Variants in MYOM1 observed in about 807,000 individuals in gnomAD.
The protein encoded by MYOM1 is myomesin 1, also known as myomesin-1.
MYOM1 carries 164 observed loss-of-function variants against 205.3 expected under a neutral mutation model. That is an observed-to-expected ratio of 0.80 (90% CI 0.70 to 0.91). The LOEUF is 0.91. MYOM1 is among the 40% of genes least tolerant of loss of function. The pLI is 0.00. For missense variants in MYOM1, 2,011 were observed against 2,127.3 expected, an observed-to-expected ratio of 0.95 and a Z score of 1.08; for synonymous variants, 772 against 789.4, an observed-to-expected ratio of 0.98 and a Z score of 0.37.
the MYOM1 span, among the ~76,000 whole-genome samples, chr18:3,238,768 T>C: frequency 2.0e-5 from 3 of 152,152 alleles, no homozygotes; most frequent in African/African-American, 7.2e-5. Context: ...CCTGAGGCTC[T>C]AGGGGAGAAT....
chr18:3,206,269 T>C (rs1213323019), intron 2 of MYOM1, among the ~76,000 whole-genome samples: 1 of 152,220 alleles, frequency 6.6e-6, no homozygotes, highest in Non-Finnish European at 1.5e-5. Flanking sequence ...TCTAAAAATG[T>C]TCCTTTAAAA....
chr18:3,204,270 T>C (rs1254200946), intron 2 of MYOM1, among the ~76,000 whole-genome samples: 2 of 151,920 alleles, frequency 1.3e-5, no homozygotes, highest in African/African-American at 2.4e-5. Flanking sequence ...TTTTTAAAAA[T>C]TGAAAAGATG....
the MYOM1 span, chr18:3,236,361 T>C: frequency 6.6e-6 from 1 of 152,252 alleles, no homozygotes; most frequent in Non-Finnish European, 1.5e-5. Flanking sequence ...ATAGTGGCAG[T>C]AGAAGTGGTG....
chr18:3,084,090 C>T, intron 31 of MYOM1, 63 bp from the exon 32 acceptor site: 1 of 1,520,734 alleles, frequency 6.6e-7, no homozygotes, highest in Non-Finnish European at 8.9e-7. Flanking sequence ...GGTTAAATCT[C>T]AAATTCTTAG....
chr18:3,216,495 C>G lies in MYOM1; in HGVS notation c.-28-1244G>C, dbSNP rs537251214. On this transcript the variant is annotated intron_variant, in intron 1 of 37. Coordinates refer to ENST00000356443, the MANE Select transcript of MYOM1 (RefSeq NM_003803.4). Reference sequence around the variant, plus strand: ...CCTCAGCAGGGATGGCTTCTCTAGACAGTAACATCTGAGCATGAGACTTTC... The same window carrying G: ...CCTCAGCAGGGATGGCTTCTCTAGAGAGTAACATCTGAGCATGAGACTTTC... Among the ~76,000 whole-genome samples the G allele has an allele frequency of 1.1e-3, 162 of 152,266 alleles. 7 individuals carry two copies. The South Asian group carries it at 0.033, about 31-fold the overall frequency.
intron 14 of MYOM1, among the ~76,000 whole-genome samples, chr18:3,137,202 G>A (rs1179986875): frequency 6.6e-6 from 1 of 152,180 alleles, no homozygotes; most frequent in East Asian, 1.9e-4. Flanking sequence ...GCCCACCTCA[G>A]CCTCCCAAAG....
intron 37 of MYOM1, 46 bp downstream of exon 37, chr18:3,071,788 T>C (rs1489961902): frequency 1.3e-6 from 2 of 1,561,854 alleles, no homozygotes; most frequent in Admixed American, 3.8e-5. Flanking sequence ...TGCTGGAACC[T>C]GTTCATAGTG....
intron 2 of MYOM1, among the ~76,000 whole-genome samples, chr18:3,213,745 A>G (rs1171115360): frequency 6.6e-6 from 1 of 152,244 alleles, no homozygotes; most frequent in Non-Finnish European, 1.5e-5. Context: ...TTAAAATTAT[A>G]TCAGTAAGAA....
intron 25 of MYOM1, among the ~76,000 whole-genome samples, chr18:3,096,028 C>T (rs2079298395): frequency 6.6e-6 from 1 of 152,158 alleles, no homozygotes; most frequent in Non-Finnish European, 1.5e-5. Flanking sequence ...GGAACAGGCC[C>T]TCCTGGAAGT....
In MYOM1 at chr18:3,071,845, G is replaced by A. The variant is rs1248834416; in HGVS notation, c.4753C>T (p.Gln1585Ter). 2 of 1,603,318 alleles carry A rather than the reference G, an allele frequency of 1.2e-6. No individual in the cohort carries two copies. The highest frequency in any genetic ancestry group is 2.3e-5 in the South Asian group (2 of 88,648). ...LGGLPDVVTIQEGKALNLTCN... is the reference protein window; with the variant it reads ...LGGLPDVVTI ...GGCTTCATGCTTACCTTCCCCTCCTGGATGGTGACCACGTCTGGGAGACCT... is the reference window on the plus strand; with the variant it reads ...GGCTTCATGCTTACCTTCCCCTCCTAGATGGTGACCACGTCTGGGAGACCT... The change falls in exon 37 of 38, where the codon CAG (glutamine) becomes TAG (stop). Residue 1585 changes from glutamine to a stop codon, truncating the protein, a stop_gained. Transcript: ENST00000356443. LOFTEE classifies it low-confidence loss of function (END_TRUNC).
the MYOM1 span, among the ~76,000 whole-genome samples, chr18:3,235,197 C>G: frequency 6.6e-6 from 1 of 152,082 alleles, no homozygotes; most frequent in Non-Finnish European, 1.5e-5. Flanking sequence ...CTTTTTGTCT[C>G]TTTGTACTGT....
At position 3,174,145 on chromosome 18, in the gene MYOM1, C is replaced by T. The variant is rs371620091; in HGVS notation, c.1086G>A (p.Ser362=). Residue 362 remains serine, a synonymous_variant, in exon 7 of 38, where the codon TCG becomes TCA. Coordinates refer to ENST00000356443, the MANE Select transcript of MYOM1 (RefSeq NM_003803.4). The part of the protein sequence containing the change: ...ASAMNVKGEL[S]AYASVVVKRY... ...TTTTTACCACAACTGAAGCATATGC[C>T]GAAAGCTCTCCTTTAACATTCATCG... 80 of 1,613,790 alleles carry T rather than the reference C, an allele frequency of 5.0e-5. No homozygotes were observed. Among genetic ancestry groups the T allele is most frequent in the Middle Eastern group, 1.6e-4 (1 of 6,084 alleles).
chr18:3,101,017 T>C (rs923973958), intron 23 of MYOM1, among the ~76,000 whole-genome samples: 2 of 152,340 alleles, frequency 1.3e-5, no homozygotes, highest in East Asian at 1.9e-4. Flanking sequence ...TTTCTAACTT[T>C]GGTAAGCTAT....
chr18:3,189,114 G>C lies in MYOM1; in HGVS notation c.432-27C>G. 1.3e-6 allele frequency: 2 copies of C among 1,586,574 alleles called. No homozygotes were observed. The highest frequency in any genetic ancestry group is 1.3e-5 in the African/African-American group (1 of 74,492). ...TAAAACACAACAATGGCAAAATGTA[G>C]ATGTTGTGGATGGCAGTGATAAGAT... On this transcript the variant is annotated intron_variant, in intron 3 of 37. Coordinates refer to ENST00000356443, the MANE Select transcript of MYOM1 (RefSeq NM_003803.4). This position sits in a 1 kb window ranked among gnomAD's most constrained non-coding sequence, Gnocchi z 4.8.
intron 14 of MYOM1, 105 bp downstream of exon 14, chr18:3,141,834 C>G: frequency 7.2e-7 from 1 of 1,388,068 alleles, no homozygotes; most frequent in Non-Finnish European, 1.0e-6. Flanking sequence ...TCAGGACATG[C>G]TCCCTCCTCC....
rs576804633 is a variant in MYOM1 at position 3,204,284 on chromosome 18, A to G, written c.291-10326T>C. On this transcript the variant is annotated intron_variant, in intron 2 of 37. Coordinates refer to ENST00000356443, the MANE Select transcript of MYOM1 (RefSeq NM_003803.4). The stretch of plus-strand genomic sequence containing the variant: ...CTTTTTAAAAATTGAAAAGATGTAA[A>G]TCTACCTTTTGTTACAGATGATATA... 7.9e-5 allele frequency among the ~76,000 whole-genome samples: 12 copies of G among 152,090 alleles called. No homozygotes were observed. In the South Asian group the frequency reaches 1.9e-3, roughly 24 times the overall value.
the MYOM1 span, among the ~76,000 whole-genome samples, chr18:3,231,728 G>A: frequency 1.3e-5 from 2 of 151,308 alleles, no homozygotes; most frequent in Non-Finnish European, 1.5e-5. Context: ...ATTTTTAGTA[G>A]AGACGGGGTT....
rs1567937188 is a variant in MYOM1 at position 3,152,928 on chromosome 18, T to C, written c.1644-1035A>G. On this transcript the variant is annotated intron_variant, in intron 11 of 37. Coordinates refer to ENST00000356443, the MANE Select transcript of MYOM1 (RefSeq NM_003803.4). This position sits in a 1 kb window ranked among gnomAD's most constrained non-coding sequence, Gnocchi z 4.3. ...ATAGACAACTTCCTCACTTTCCTTA[T>C]GTAAAGTGCTGTCAAATGTGGCTTC... is the stretch of plus-strand genomic sequence containing the variant. Among the ~76,000 whole-genome samples the C allele has an allele frequency of 6.6e-6, 1 of 152,184 alleles. No individual in the cohort carries two copies.
chr18:3,077,029 T>C (rs1460899823), intron 34 of MYOM1, among the ~76,000 whole-genome samples: 1 of 151,678 alleles, frequency 6.6e-6, no homozygotes, highest in Admixed American at 6.6e-5. Flanking sequence ...TTTTTTTTTT[T>C]CAAGAGACAG....
Sources: allele counts gnomAD v4.1 joint callset (sites outside exome capture counted in the v4.1 genomes callset), GRCh38; gene constraint gnomAD v4.1.1; non-coding constraint Gnocchi (gnomAD v3.1); transcripts MANE v1.5; gene names NCBI Gene and HGNC (gene_info 2026-07-23, HGNC 2026-07-21).